Variants in ATP8A2 observed in about 807,000 individuals in gnomAD.
ATP8A2 encodes the protein ATPase phospholipid transporting 8A2, also known as phospholipid-transporting ATPase IB.
Under a neutral mutation model 165.6 loss-of-function variants are expected in ATP8A2, and 100 were observed. That is an observed-to-expected ratio of 0.60 (90% confidence interval 0.51 to 0.71). The LOEUF (loss-of-function observed/expected upper bound fraction) is 0.71, where lower values mean the gene tolerates loss of function less well. ATP8A2 is among the 30% of genes least tolerant of loss of function. The pLI, the probability that ATP8A2 is intolerant of heterozygous loss-of-function variation, is 0.00. For missense variants in ATP8A2, 1,227 were observed against 1,479.5 expected (o/e 0.83, Z 2.80); for synonymous variants, 543 against 548.8 (o/e 0.99, Z 0.15).
rs142727647 is a variant in ATP8A2 at position 25,647,422 on chromosome 13, A to G, written c.2212-51751A>G. Among the ~76,000 whole-genome samples, 95 of 152,188 alleles carry G rather than the reference A, an allele frequency of 6.2e-4. 1 individual carries two copies. Among genetic ancestry groups the G allele is most frequent in the Non-Finnish European group, 7.4e-4 (50 of 68,008 alleles). On this transcript the variant is annotated intron_variant, in intron 24 of 36. Coordinates refer to ENST00000381655, the MANE Select transcript of ATP8A2 (RefSeq NM_016529.6). ...CCCTTCACTTTGAATATATCATCCC[A>G]CTCTTAGTCTGCTGGATTTCTGCTA...
At chr13:25,796,244 C>T (rs1443766771) in intron 27 of ATP8A2, among the ~76,000 whole-genome samples, 3 of 152,084 alleles carry the variant, frequency 2.0e-5, no homozygotes, top group Non-Finnish European at 2.9e-5. Context: ...CCACCGCGCC[C>T]GGCCCATAAC....
intron 27 of ATP8A2, among the ~76,000 whole-genome samples, chr13:25,790,784 C>G (rs144120798): frequency 6.6e-6 from 1 of 151,014 alleles, no homozygotes; most frequent in African/African-American, 2.4e-5. Flanking sequence ...AAATAAAGCT[C>G]AACATCACAG....
intron 33 of ATP8A2, among the ~76,000 whole-genome samples, chr13:25,952,217 A>C (rs7997807): frequency 0.016 from 2,441 of 152,270 alleles, 77 homozygotes; most frequent in African/African-American, 0.057. Flanking sequence ...AATTAAGCTT[A>C]AAATTGACAC....
At chr13:25,717,026 TGGAAAGAAA>T (rs2138009794) in intron 25 of ATP8A2, among the ~76,000 whole-genome samples, 1 of 152,310 alleles carries the variant, frequency 6.6e-6, no homozygotes. Flanking sequence ...ATACTCTTTC[TGGAAAGAAA>T]GGTGACTTTA....
intron 24 of ATP8A2, among the ~76,000 whole-genome samples, chr13:25,676,411 A>T (rs1401703523): frequency 1.3e-5 from 2 of 152,062 alleles, no homozygotes; most frequent in Non-Finnish European, 1.5e-5. Context: ...GAGGTGGAGG[A>T]TGGCAGGGAA....
chr13:25,973,513 C>G (rs912162649), intron 35 of ATP8A2, among the ~76,000 whole-genome samples: 1 of 152,122 alleles, frequency 6.6e-6, no homozygotes, highest in Non-Finnish European at 1.5e-5. Context: ...TCAGACAAAC[C>G]AAAGATTGTT....
intron 18 of ATP8A2, among the ~76,000 whole-genome samples, chr13:25,573,200 C>A (rs1484609949): frequency 6.6e-6 from 1 of 152,064 alleles, no homozygotes; most frequent in Non-Finnish European, 1.5e-5. Flanking sequence ...TGTGTGGGTG[C>A]CACCGCATGT....
At chr13:25,964,512 G>T (rs527448649) in intron 34 of ATP8A2, among the ~76,000 whole-genome samples, 1 of 152,336 alleles carries the variant, frequency 6.6e-6, no homozygotes, top group African/African-American at 2.4e-5. Flanking sequence ...AAGCTACAGT[G>T]CTTCACTGAG....
intron 27 of ATP8A2, among the ~76,000 whole-genome samples, chr13:25,803,346 A>G (rs373090491): frequency 6.6e-6 from 1 of 152,196 alleles, no homozygotes; most frequent in East Asian, 1.9e-4. Context: ...AAACTCATCA[A>G]TTTGTTGAAA....
Position 25,382,841 on chromosome 13 carries a change from C to T in ATP8A2, c.76+10553C>T, listed in dbSNP as rs183597472. Among the ~76,000 whole-genome samples the T allele has an allele frequency of 1.4e-3, 219 of 151,870 alleles. 5 individuals carry two copies. The highest frequency in any genetic ancestry group is 4.1e-4 in the Non-Finnish European group (28 of 67,942). On this transcript the variant is annotated intron_variant, in intron 1 of 36. Transcript: ENST00000381655. ...CACGATCTCAGCTCACTGCAAGCTC[C>T]GCCTCCCGGGTTCACGCCATTCTCC...
intron 33 of ATP8A2, among the ~76,000 whole-genome samples, chr13:25,869,101 A>G (rs1952608454): frequency 1.3e-5 from 2 of 150,514 alleles, no homozygotes; most frequent in African/African-American, 4.9e-5. Flanking sequence ...AAACCTTTTA[A>G]TTGGTAATAA....
At chr13:25,875,769 A>T (rs919462791) in intron 33 of ATP8A2, among the ~76,000 whole-genome samples, 10 of 152,384 alleles carry the variant, frequency 6.6e-5, no homozygotes, top group East Asian at 1.9e-4. Context: ...GGAAACAGTT[A>T]ATAGTCACAC....
At chr13:25,859,572 A>G (rs1952282458) in intron 30 of ATP8A2, among the ~76,000 whole-genome samples, 1 of 152,148 alleles carries the variant, frequency 6.6e-6, no homozygotes, top group African/African-American at 2.4e-5. Context: ...AGAAAAAAAA[A>G]AAAAGGAAAA....
At chr13:25,935,660 C>T (rs1954864485) in intron 33 of ATP8A2, among the ~76,000 whole-genome samples, 1 of 152,100 alleles carries the variant, frequency 6.6e-6, no homozygotes, top group Non-Finnish European at 1.5e-5. Flanking sequence ...AAGCATCACA[C>T]TCCTTTAAGC....
intron 1 of ATP8A2, among the ~76,000 whole-genome samples, chr13:25,423,226 A>G (rs563368222): frequency 2.6e-5 from 4 of 152,340 alleles, no homozygotes; most frequent in East Asian, 1.9e-4. Context: ...TTTTAAAAAA[A>G]TTAATTAGAT....
chr13:25,547,391 G>A (rs985897236), intron 10 of ATP8A2, among the ~76,000 whole-genome samples: 1 of 151,882 alleles, frequency 6.6e-6, no homozygotes, highest in African/African-American at 2.4e-5. Context: ...ATCAGCGGTG[G>A]CATTAGATTC....
In ATP8A2 at chr13:26,022,589, T is replaced by TG. The variant is rs1200825511; in HGVS notation, c.*2605dup. 6.6e-6 allele frequency: 1 copy of TG among 152,228 alleles called. No homozygotes were observed. Among genetic ancestry groups the TG allele is most frequent in the African/African-American group, 2.4e-5 (1 of 41,454 alleles). 9.4% of individuals were successfully genotyped at this position (152,228 alleles called of 1,614,324 possible). ...GTGGTTGAGCATTCTTACAGCCAAA[T>TG]GACTAAATTGGCTGTAAATTGGTTT... On this transcript the variant is annotated 3_prime_UTR_variant, in exon 37 of 37. Coordinates refer to ENST00000381655, the MANE Select transcript of ATP8A2 (RefSeq NM_016529.6).
intron 1 of ATP8A2, among the ~76,000 whole-genome samples, chr13:25,428,926 A>G (rs1167968508): frequency 6.6e-6 from 1 of 152,196 alleles, no homozygotes; most frequent in Non-Finnish European, 1.5e-5. Flanking sequence ...AGCTCACAGC[A>G]CGACCCCAGA....
intron 18 of ATP8A2, among the ~76,000 whole-genome samples, chr13:25,573,208 T>G (rs991670824): frequency 6.6e-6 from 1 of 152,196 alleles, no homozygotes. Context: ...TGCCACCGCA[T>G]GTCTCTGCAT....
Sources: allele counts gnomAD v4.1 joint callset (sites outside exome capture counted in the v4.1 genomes callset), GRCh38; gene constraint gnomAD v4.1.1; transcripts MANE v1.5; gene names NCBI Gene and HGNC (gene_info 2026-07-23, HGNC 2026-07-21).